RBPMS: variants seen among roughly 807,000 people sequenced by gnomAD.
RBPMS encodes RNA binding protein, mRNA processing factor.
A neutral mutation model predicts 26.8 loss-of-function variants in RBPMS; 7 were observed. The observed-to-expected ratio is 0.26, with a 90% confidence interval of 0.15 to 0.49. The LOEUF (loss-of-function observed/expected upper bound fraction) is 0.49. Among genes scored for constraint, RBPMS ranks in the 20% least tolerant of loss-of-function variants. RBPMS has a pLI of 0.98. For synonymous variants in RBPMS, 96 were observed against 93.3 expected, an observed-to-expected ratio of 1.03 and a Z score of -0.17; for missense variants, 186 against 250.0, an observed-to-expected ratio of 0.74 and a Z score of 1.73.
At chr8:30,426,351 T>G (rs920771368) in intron 1 of RBPMS, among the ~76,000 whole-genome samples, 2 of 152,214 alleles carry the variant, frequency 1.3e-5, no homozygotes, top group Non-Finnish European at 2.9e-5. Context: ...AAATATTACT[T>G]TAGAGAAGTT....
chr8:30,566,449 T>G (rs1292180328), intron 8 of RBPMS, 89 bp downstream of exon 8: 3 of 255,440 alleles, frequency 1.2e-5, no homozygotes, highest in Non-Finnish European at 1.8e-5. Context: ...GGTCTGGCAT[T>G]CCAGGTGCTC....
chr8:30,515,625 T>A (rs1277920442), intron 5 of RBPMS, among the ~76,000 whole-genome samples: 1 of 152,150 alleles, frequency 6.6e-6, no homozygotes, highest in Non-Finnish European at 1.5e-5. Context: ...TAGATTTCAC[T>A]AAAATATTTT....
chr8:30,500,855 A>G (rs934786794), intron 4 of RBPMS, among the ~76,000 whole-genome samples: 1 of 152,124 alleles, frequency 6.6e-6, no homozygotes, highest in African/African-American at 2.4e-5. Flanking sequence ...GGCAGTAGCC[A>G]TCTCATCCCA....
At chr8:30,549,936 C>T (rs536337835) in intron 6 of RBPMS, among the ~76,000 whole-genome samples, 9 of 149,900 alleles carry the variant, frequency 6.0e-5, no homozygotes, top group African/African-American at 1.5e-4. Flanking sequence ...CTGCAAGCTC[C>T]GCCTCCCGGG....
At chr8:30,428,181 G>A (rs762187925) in intron 1 of RBPMS, among the ~76,000 whole-genome samples, 11 of 151,734 alleles carry the variant, frequency 7.2e-5, no homozygotes, top group Non-Finnish European at 1.2e-4. Flanking sequence ...ACACCACCAC[G>A]CCCAGCTAAT....
intron 7 of RBPMS, among the ~76,000 whole-genome samples, chr8:30,563,440 G>A (rs1011648143): frequency 1.3e-5 from 2 of 152,206 alleles, no homozygotes; most frequent in Non-Finnish European, 2.9e-5. Flanking sequence ...TTCTTTGATG[G>A]ATATTCAAAG....
intron 1 of RBPMS, among the ~76,000 whole-genome samples, chr8:30,421,125 T>C (rs962891113): frequency 2.0e-5 from 3 of 152,208 alleles, no homozygotes; most frequent in Non-Finnish European, 4.4e-5. Flanking sequence ...GTAATTACTC[T>C]TGTGAAAATT....
At chr8:30,440,205 G>A (rs548962380) in intron 1 of RBPMS, among the ~76,000 whole-genome samples, 13 of 152,208 alleles carry the variant, frequency 8.5e-5, no homozygotes, top group Non-Finnish European at 1.6e-4. Flanking sequence ...CTAGGATTAC[G>A]GGTGTGAGCC....
At chr8:30,524,438 T>C (rs545477474) in intron 5 of RBPMS, among the ~76,000 whole-genome samples, 5 of 152,180 alleles carry the variant, frequency 3.3e-5, no homozygotes, top group Admixed American at 6.5e-5. Context: ...TAAGGAGATA[T>C]GTAGTTTTCC....
chr8:30,479,480 A>G, intron 4 of RBPMS, 103 bp downstream of exon 4: 2 of 833,754 alleles, frequency 2.4e-6, no homozygotes, highest in Non-Finnish European at 4.0e-6. Flanking sequence ...ATGACTGCAC[A>G]GTCTAAGAGG....
At chr8:30,563,681 G>T (rs150433918) in intron 7 of RBPMS, among the ~76,000 whole-genome samples, 261 of 152,296 alleles carry the variant, frequency 1.7e-3, no homozygotes, top group African/African-American at 6.0e-3. Context: ...GGGTGGAATG[G>T]CCTTGCCTGT....
chr8:30,451,463 A>T (rs577159044), intron 1 of RBPMS, among the ~76,000 whole-genome samples: 1 of 152,332 alleles, frequency 6.6e-6, no homozygotes, highest in Non-Finnish European at 1.5e-5. Flanking sequence ...TTGTCTGTCA[A>T]GCAAAGCAAC....
At chr8:30,388,469 T>A (rs1807376708) in intron 1 of RBPMS, among the ~76,000 whole-genome samples, 2 of 121,796 alleles carry the variant, frequency 1.6e-5, no homozygotes, top group Admixed American at 8.1e-5. Context: ...AACTTATAAC[T>A]TATAGCTATA....
chr8:30,423,499 G>C, intron 1 of RBPMS, among the ~76,000 whole-genome samples: 1 of 152,168 alleles, frequency 6.6e-6, no homozygotes. Context: ...AGTATGGGCG[G>C]GGCTTCCAGG....
At chr8:30,481,866 A>G (rs1026872805) in intron 4 of RBPMS, among the ~76,000 whole-genome samples, 1 of 152,194 alleles carries the variant, frequency 6.6e-6, no homozygotes, top group African/African-American at 2.4e-5. Flanking sequence ...GTAGTTAGGG[A>G]AACAGACGTG....
At chr8:30,492,708 C>T (rs759066946) in intron 4 of RBPMS, among the ~76,000 whole-genome samples, 3 of 152,116 alleles carry the variant, frequency 2.0e-5, no homozygotes, top group Non-Finnish European at 2.9e-5. Flanking sequence ...CACATAAACC[C>T]CCCTACTTTT....
At chr8:30,461,203 T>C (rs571355084) in intron 1 of RBPMS, among the ~76,000 whole-genome samples, 9 of 152,360 alleles carry the variant, frequency 5.9e-5, no homozygotes, top group Admixed American at 3.3e-4. Flanking sequence ...TATTTATTCC[T>C]GACAGGATTA....
chr8:30,532,273 T>C (rs751467942), intron 5 of RBPMS, among the ~76,000 whole-genome samples: 27 of 152,184 alleles, frequency 1.8e-4, no homozygotes, highest in Non-Finnish European at 3.7e-4. Flanking sequence ...CTCCCTCTGG[T>C]AGGTAATGAC....
chr8:30,436,925 CTTTTT>C (rs370802180), intron 1 of RBPMS, among the ~76,000 whole-genome samples: 1 of 140,048 alleles, frequency 7.1e-6, no homozygotes. Flanking sequence ...ATATATGTAG[CTTTTT>C]TTTTTTTTTT....
Sources: gnomAD v4.1 joint callset for allele counts (sites outside exome capture counted in the v4.1 genomes callset) on GRCh38, gnomAD v4.1.1 for gene constraint, MANE v1.5 for transcripts, NCBI Gene and HGNC (gene_info 2026-07-23, HGNC 2026-07-21) for gene names.